The following SPTLC3 variants were observed in gnomAD, a reference collection of about 807,000 sequenced individuals.
The protein encoded by SPTLC3 is serine palmitoyltransferase long chain base subunit 3, also known as serine palmitoyltransferase 3.
Under a neutral mutation model 59.3 loss-of-function variants are expected in SPTLC3, and 36 were observed. That is an observed-to-expected ratio of 0.61 (90% confidence interval 0.47 to 0.80). SPTLC3 has a LOEUF of 0.80. Among genes scored for constraint, SPTLC3 ranks in the 30% least tolerant of loss-of-function variants. The pLI, the probability that SPTLC3 is intolerant of heterozygous loss-of-function variation, is 0.00. For synonymous variants in SPTLC3, 257 were observed against 240.8 expected, an observed-to-expected ratio of 1.07 and a Z score of -0.62; for missense variants, 625 against 685.1, an observed-to-expected ratio of 0.91 and a Z score of 0.98.
At chr20:13,109,217 C>T (rs1161978683) in intron 6 of SPTLC3, among the ~76,000 whole-genome samples, 3 of 152,194 alleles carry the variant, frequency 2.0e-5, no homozygotes, top group Non-Finnish European at 4.4e-5. Flanking sequence ...TTATATTTGA[C>T]ATTAGAAGTT....
chr20:13,168,618 T>A lies in SPTLC3; in HGVS notation c.*3751T>A, dbSNP rs139448635. On this transcript the variant is annotated 3_prime_UTR_variant, in exon 12 of 12. Coordinates refer to ENST00000399002, the MANE Select transcript of SPTLC3 (RefSeq NM_018327.4). ...GTTCTTCAAACGAACAATATTCTTT[T>A]GTATTTTTCTTCAGAGATAGCAAAT... 6.6e-6 allele frequency: 1 copy of A among 152,370 alleles called. No homozygotes were observed. Among genetic ancestry groups the A allele is most frequent in the East Asian group, 1.9e-4 (1 of 5,194 alleles). The allele number at this position is 152,370 out of a possible 1,614,324, so 9.4% of individuals were successfully genotyped here.
chr20:13,102,271 C>G (rs1989626611), intron 6 of SPTLC3, among the ~76,000 whole-genome samples: 1 of 135,634 alleles, frequency 7.4e-6, no homozygotes, highest in Non-Finnish European at 1.5e-5. Flanking sequence ...AATTGCCTCC[C>G]TATCTTTTAA....
rs34511643 is a variant in SPTLC3 at position 13,165,099 on chromosome 20, TACAC to T, written c.*251_*254del. On this transcript the variant is annotated 3_prime_UTR_variant, in exon 12 of 12. Coordinates refer to ENST00000399002, the MANE Select transcript of SPTLC3 (RefSeq NM_018327.4). ...CTTCTTCCAAGTATTCTACTAGAAA[TACAC>T]ACACACACACACACACACTTCTGAG... The T allele has an allele frequency of 1.3e-3, 476 of 374,052 alleles. 3 individuals carry two copies. Among genetic ancestry groups the T allele is most frequent in the Admixed American group, 1.8e-3 (43 of 23,374 alleles). 23.2% of individuals were successfully genotyped at this position (374,052 alleles called of 1,614,324 possible).
rs2038986878 is a variant in SPTLC3 at position 13,166,547 on chromosome 20, A to C, written c.*1680A>C. 6.6e-6 allele frequency: 1 copy of C among 152,242 alleles called. No individual in the cohort carries two copies. Among genetic ancestry groups the C allele is most frequent in the Non-Finnish European group, 1.5e-5 (1 of 68,050 alleles). The allele number at this position is 152,242 out of a possible 1,614,324, so 9.4% of individuals were successfully genotyped here. Reference sequence around the variant, plus strand: ...AACAAAATTCCAACTTTTCTCAATGAAACTGATGCAGTATTATTTGTGCAA... The same window carrying C: ...AACAAAATTCCAACTTTTCTCAATGCAACTGATGCAGTATTATTTGTGCAA... On this transcript the variant is annotated 3_prime_UTR_variant, in exon 12 of 12. Coordinates refer to ENST00000399002, the MANE Select transcript of SPTLC3 (RefSeq NM_018327.4).
chr20:13,114,581 C>A (rs1323365108), intron 7 of SPTLC3, among the ~76,000 whole-genome samples: 1 of 152,176 alleles, frequency 6.6e-6, no homozygotes, highest in Non-Finnish European at 1.5e-5. Context: ...AGAATGTAAG[C>A]TATTCTCCTA....
chr20:13,077,653 A>T (rs1226635220), intron 4 of SPTLC3, among the ~76,000 whole-genome samples: 1 of 152,198 alleles, frequency 6.6e-6, no homozygotes, highest in East Asian at 1.9e-4. Flanking sequence ...AGCAGGAAAG[A>T]TGAAAGCTAG....
At chr20:13,121,290 G>C (rs2037860301) in intron 8 of SPTLC3, among the ~76,000 whole-genome samples, 1 of 152,124 alleles carries the variant, frequency 6.6e-6, no homozygotes, top group Admixed American at 6.6e-5. Flanking sequence ...ACTGGGACAG[G>C]GCAGACAAAT....
At chr20:13,157,560 T>G (rs1337178584) in intron 10 of SPTLC3, among the ~76,000 whole-genome samples, 1 of 152,106 alleles carries the variant, frequency 6.6e-6, no homozygotes, top group African/African-American at 2.4e-5. Context: ...CCTCTCAAGC[T>G]TTAGTCCATA....
rs1990677394 is a variant in SPTLC3 at position 13,118,214 on chromosome 20, T to C, written c.1152+489T>C. Among the ~76,000 whole-genome samples the C allele has an allele frequency of 2.0e-5, 3 of 152,100 alleles. No individual in the cohort carries two copies. In the South Asian group the frequency reaches 6.2e-4, roughly 31 times the overall value. On this transcript the variant is annotated intron_variant, in intron 8 of 11. Coordinates refer to ENST00000399002, the MANE Select transcript of SPTLC3 (RefSeq NM_018327.4). Reference sequence around the variant, plus strand: ...TTAGTTATTAGGGAGGCTGACCCTATGCTACAAGTTGTGGGTTTTAAGAGT... The same window carrying C: ...TTAGTTATTAGGGAGGCTGACCCTACGCTACAAGTTGTGGGTTTTAAGAGT...
chr20:13,130,650 G>A (rs903253780), intron 9 of SPTLC3, among the ~76,000 whole-genome samples: 5 of 152,182 alleles, frequency 3.3e-5, no homozygotes, highest in Non-Finnish European at 5.9e-5. Context: ...GCTGCAGGCC[G>A]TGCATGCATT....
chr20:13,164,911 C>A lies in SPTLC3; in HGVS notation c.*44C>A. ...ACACATAAAGACTTTGCGAGAAAGA[C>A]CTCCCTCCTTGCCTCACAAGGAATA... On this transcript the variant is annotated 3_prime_UTR_variant, in exon 12 of 12. Coordinates refer to ENST00000399002, the MANE Select transcript of SPTLC3 (RefSeq NM_018327.4). 2 of 1,499,352 alleles carry A rather than the reference C, an allele frequency of 1.3e-6. No homozygotes were observed. Among genetic ancestry groups the A allele is most frequent in the Non-Finnish European group, 1.8e-6 (2 of 1,091,358 alleles). 92.9% of individuals were successfully genotyped at this position (1,499,352 alleles called of 1,614,324 possible).
intron 1 of SPTLC3, among the ~76,000 whole-genome samples, chr20:13,020,661 T>G (rs569935595): frequency 4.6e-4 from 70 of 152,322 alleles, no homozygotes; most frequent in Non-Finnish European, 7.4e-4. Flanking sequence ...GATGTTTATG[T>G]GGTAGCTTTT....
At chr20:13,057,862 G>T (rs970786627) in intron 2 of SPTLC3, among the ~76,000 whole-genome samples, 4 of 152,160 alleles carry the variant, frequency 2.6e-5, no homozygotes, top group African/African-American at 7.2e-5. Context: ...GTCCAACTTT[G>T]CAAAATCCAG....
chr20:13,159,029 CAA>C (rs1394836304), intron 10 of SPTLC3, among the ~76,000 whole-genome samples: 2 of 152,214 alleles, frequency 1.3e-5, no homozygotes, highest in African/African-American at 4.8e-5. Flanking sequence ...AGTTTTCCTG[CAA>C]AGACTAACAG....
At chr20:13,131,708 G>A (rs1022013106) in intron 9 of SPTLC3, among the ~76,000 whole-genome samples, 2 of 152,126 alleles carry the variant, frequency 1.3e-5, no homozygotes, top group African/African-American at 4.8e-5. Context: ...TCCTGGAGTA[G>A]CCTCCTGAAT....
chr20:13,056,605 C>T (rs527302796), intron 2 of SPTLC3, among the ~76,000 whole-genome samples: 26 of 152,038 alleles, frequency 1.7e-4, no homozygotes, highest in African/African-American at 5.3e-4. Flanking sequence ...TGTGCCACCA[C>T]GCCTGGCTAA....
chr20:13,107,595 G>T (rs1244132020), intron 6 of SPTLC3, among the ~76,000 whole-genome samples: 1 of 151,844 alleles, frequency 6.6e-6, no homozygotes, highest in Non-Finnish European at 1.5e-5. Flanking sequence ...CAGATAAAAA[G>T]AGAAAAAAAC....
At chr20:13,080,511 C>A (rs866795151) in intron 4 of SPTLC3, among the ~76,000 whole-genome samples, 68 of 122,756 alleles carry the variant, frequency 5.5e-4, no homozygotes, top group African/African-American at 6.2e-4. Flanking sequence ...CATCCATCTC[C>A]AAAAAAAAAA....
intron 8 of SPTLC3, among the ~76,000 whole-genome samples, chr20:13,122,512 C>T (rs2327754): frequency 0.54 from 82,699 of 151,982 alleles, 24,383 homozygotes; most frequent in African/African-American, 0.8. Flanking sequence ...GGTGGGGCTC[C>T]AGAGCCAGCT....
Sources: allele counts gnomAD v4.1 joint callset (sites outside exome capture counted in the v4.1 genomes callset), GRCh38; gene constraint gnomAD v4.1.1; transcripts MANE v1.5; gene names NCBI Gene and HGNC (gene_info 2026-07-23, HGNC 2026-07-21).